GNPDA1: variants seen among roughly 807,000 people sequenced by gnomAD.
GNPDA1 encodes the protein glucosamine-6-phosphate deaminase 1.
GNPDA1 carries 24 observed loss-of-function variants against 28.5 expected under a neutral mutation model. The ratio of observed to expected loss-of-function variants is 0.84; its 90% confidence interval spans 0.61 to 1.19. The LOEUF (loss-of-function observed/expected upper bound fraction) is 1.19. Among genes scored for constraint, GNPDA1 ranks in the 50% most tolerant of loss-of-function variants. The pLI is 0.00. For synonymous variants in GNPDA1, 147 were observed against 139.3 expected, an observed-to-expected ratio of 1.06 and a Z score of -0.39; for missense variants, 264 against 367.3, an observed-to-expected ratio of 0.72 and a Z score of 2.30.
At chr5:142,009,953 T>A (rs1025251438) in intron 2 of GNPDA1, among the ~76,000 whole-genome samples, 4 of 152,064 alleles carry the variant, frequency 2.6e-5, no homozygotes, top group African/African-American at 9.7e-5. Flanking sequence ...GACTCTGCAA[T>A]GATGGGAACG....
At chr5:142,012,736 CAGA>C in intron 1 of GNPDA1, 1 of 973,900 alleles carries the variant, frequency 1.0e-6, no homozygotes, top group Non-Finnish European at 1.2e-6. Flanking sequence ...GTAATCGCTC[CAGA>C]AGGAGGACAT....
At chr5:142,005,726 GAAGCAC>G (rs1406881055) in intron 4 of GNPDA1, among the ~76,000 whole-genome samples, 1 of 152,192 alleles carries the variant, frequency 6.6e-6, no homozygotes, top group Non-Finnish European at 1.5e-5. Context: ...ACAAATCCAA[GAAGCAC>G]ACACTTGCTC....
chr5:142,003,062 T>A lies in GNPDA1; in HGVS notation c.769+26A>T, dbSNP rs762511564. On this transcript the variant is annotated intron_variant, in intron 6 of 6. Coordinates refer to ENST00000311337, the MANE Select transcript of GNPDA1 (RefSeq NM_005471.5). The surrounding 1 kb of genome is among the most constrained non-coding windows in gnomAD (Gnocchi z 4.0). ...CTAGCACACCCTAAGCTTGACCACC[T>A]CCTCCTGGACCCACACCTCCCTCAC... The A allele has an allele frequency of 3.1e-5, 49 of 1,597,218 alleles. No individual in the cohort carries two copies. The East Asian group carries it at 1.1e-3, about 36-fold the overall frequency.
Position 142,001,953 on chromosome 5 carries a change from A to G in GNPDA1, c.*76T>C. ...AACCATACTAGATTAAAGAAATACA[A>G]TTCTTTCTTCTAAAGACAATTTCCA... On this transcript the variant is annotated 3_prime_UTR_variant, in exon 7 of 7. Transcript: ENST00000311337. 3.9e-6 allele frequency: 3 copies of G among 770,458 alleles called. No individual in the cohort carries two copies. The highest frequency in any genetic ancestry group is 2.2e-6 in the Non-Finnish European group (1 of 448,428). The allele number at this position is 770,458 out of a possible 1,614,324, so 47.7% of individuals were successfully genotyped here. A position where few individuals can be genotyped will look rare whatever the true frequency, so the allele number is the denominator to read the frequency against.
chr5:142,003,115 T>C lies in GNPDA1; in HGVS notation c.742A>G (p.Lys248Glu). ...TTGAAATACTTGACAGTCTTCACTTTCAGCTCCAAGGTGGCATCCTCGTCA... is the reference window on the plus strand; with the variant it reads ...TTGAAATACTTGACAGTCTTCACTTCCAGCTCCAAGGTGGCATCCTCGTCA... ...VCDEDATLEL[K>E]VKTVKYFKGL... Residue 248 changes from lysine (K) to glutamate (E), a missense_variant, in exon 6 of 7, where the codon AAA becomes GAA. Physicochemically the swap from Lys to Glu is moderately conservative, Grantham distance 56. Transcript: ENST00000311337. This position sits in a 1 kb window ranked among gnomAD's most constrained non-coding sequence, Gnocchi z 4.0. 6.2e-7 allele frequency: 1 copy of C among 1,613,972 alleles called. No individual in the cohort carries two copies. Among genetic ancestry groups the C allele is most frequent in the Non-Finnish European group, 8.5e-7 (1 of 1,179,906 alleles).
chr5:142,000,936 G>A lies in GNPDA1; in HGVS notation c.*1093C>T, dbSNP rs1331723931. ...CCTAAGACAATGAAAGGAAGCCAGA[G>A]CAACAGACCACCTTGGGATCCGGGG... On this transcript the variant is annotated 3_prime_UTR_variant, in exon 7 of 7. Coordinates refer to ENST00000311337, the MANE Select transcript of GNPDA1 (RefSeq NM_005471.5). 6.6e-6 allele frequency: 1 copy of A among 152,604 alleles called. No homozygotes were observed. The highest frequency in any genetic ancestry group is 6.5e-5 in the Admixed American group (1 of 15,286). 9.5% of individuals were successfully genotyped at this position (152,604 alleles called of 1,614,324 possible).
At chr5:142,002,943 T>A in intron 6 of GNPDA1, 145 bp downstream of exon 6, 1 of 626,748 alleles carries the variant, frequency 1.6e-6, no homozygotes, top group Non-Finnish European at 2.8e-6. Flanking sequence ...GAGAAATGAC[T>A]GTGTAGTGTG....
chr5:142,010,888 A>T (rs963977812), intron 2 of GNPDA1, among the ~76,000 whole-genome samples: 2 of 152,010 alleles, frequency 1.3e-5, no homozygotes, highest in South Asian at 4.1e-4. Flanking sequence ...AAAATTATAT[A>T]AGTTCAAACT....
intron 4 of GNPDA1, among the ~76,000 whole-genome samples, chr5:142,005,753 A>G (rs1464722437): frequency 6.6e-6 from 1 of 152,166 alleles, no homozygotes; most frequent in Non-Finnish European, 1.5e-5. Flanking sequence ...CCACCTGTGA[A>G]CCTTGAGTGA....
chr5:142,006,413 CAG>C, intron 3 of GNPDA1, 87 bp from the exon 4 acceptor site: 2 of 980,796 alleles, frequency 2.0e-6, no homozygotes, highest in South Asian at 1.5e-5. Flanking sequence ...TGCTGACCTA[CAG>C]AGACACTCCC....
chr5:142,005,085 G>A lies in GNPDA1; in HGVS notation c.441C>T (p.Asn147=), dbSNP rs149743845. The stretch of plus-strand genomic sequence containing the variant: ...TGGACACCAGACTGGAGCCTGGCTC[G>A]TTGAAGGCAATGTGTCCATCAGGGC... ...GIGPDGHIAF[N]EPGSSLVSRT... is the part of the protein sequence containing the mutation. The change falls in exon 5 of 7, where the codon AAC becomes AAT. Residue 147 remains asparagine (N), a synonymous_variant. Coordinates refer to ENST00000311337, the MANE Select transcript of GNPDA1 (RefSeq NM_005471.5). 85 of 1,610,356 alleles carry A rather than the reference G, an allele frequency of 5.3e-5. No individual in the cohort carries two copies. The highest frequency in any genetic ancestry group is 2.4e-4 in the African/African-American group (18 of 74,882).
At chr5:142,004,192 AC>A (rs1247822935) in intron 5 of GNPDA1, among the ~76,000 whole-genome samples, 1 of 152,004 alleles carries the variant, frequency 6.6e-6, no homozygotes, top group Non-Finnish European at 1.5e-5. Flanking sequence ...GCGAGTAAAC[AC>A]CCCCACCCCA....
At chr5:142,009,181 T>G (rs1755879224) in intron 2 of GNPDA1, among the ~76,000 whole-genome samples, 1 of 152,164 alleles carries the variant, frequency 6.6e-6, no homozygotes, top group Non-Finnish European at 1.5e-5. Context: ...CTTTTTTGAA[T>G]ATTTGAAATT....
chr5:142,012,746 A>T (rs1755994285), intron 1 of GNPDA1: 3 of 964,932 alleles, frequency 3.1e-6, no homozygotes, highest in South Asian at 9.6e-5. Context: ...CAGAAGGAGG[A>T]CATTTTGTTC....
intron 2 of GNPDA1, 149 bp downstream of exon 2, chr5:142,011,763 G>T: frequency 1.3e-6 from 1 of 771,726 alleles, no homozygotes; most frequent in Non-Finnish European, 2.1e-6. Flanking sequence ...TGGGTCCTTT[G>T]TATGTGGAAG....
At chr5:142,009,252 T>G (rs1755881846) in intron 2 of GNPDA1, among the ~76,000 whole-genome samples, 2 of 151,988 alleles carry the variant, frequency 1.3e-5, no homozygotes, top group Admixed American at 1.3e-4. Flanking sequence ...TCACCCCTCT[T>G]TTCAAAACCC....
At chr5:142,007,643 C>T (rs923877006) in intron 3 of GNPDA1, among the ~76,000 whole-genome samples, 156 bp downstream of exon 3, 2 of 152,104 alleles carry the variant, frequency 1.3e-5, no homozygotes, top group Non-Finnish European at 2.9e-5. Flanking sequence ...TTATTAGCCC[C>T]ATTTTATAGC....
At chr5:142,012,924 C>G (rs1004282094) in intron 1 of GNPDA1, 71 bp downstream of exon 1, 3 of 152,040 alleles carry the variant, frequency 2.0e-5, no homozygotes, top group Non-Finnish European at 4.4e-5. Flanking sequence ...CCCCGAGTGC[C>G]GTAGGGCTGG....
At chr5:142,007,972 AAGTC>A in intron 2 of GNPDA1, 72 bp from the exon 3 acceptor site, 1 of 815,302 alleles carries the variant, frequency 1.2e-6, no homozygotes, top group Non-Finnish European at 2.2e-6. Flanking sequence ...TCACAGGAAT[AAGTC>A]AGGGCTGCTC....
Sources: allele counts gnomAD v4.1 joint callset (sites outside exome capture counted in the v4.1 genomes callset), GRCh38; gene constraint gnomAD v4.1.1; non-coding constraint Gnocchi (gnomAD v3.1); transcripts MANE v1.5; gene names NCBI Gene and HGNC (gene_info 2026-07-23, HGNC 2026-07-21).